Variants in KLHL7 observed in about 807,000 individuals in gnomAD.
The protein encoded by KLHL7 is kelch like family member 7.
KLHL7 carries 44 observed loss-of-function variants against 67.4 expected under a neutral mutation model. The observed-to-expected ratio is 0.65, with a 90% confidence interval of 0.51 to 0.84. The LOEUF (loss-of-function observed/expected upper bound fraction) is 0.84. Ranked by LOEUF, KLHL7 falls within the 40% of genes least tolerant of loss-of-function variation. The pLI is 0.00. For missense variants in KLHL7, 362 were observed against 718.1 expected (o/e 0.50, Z 5.67); for synonymous variants, 252 against 243.3 (o/e 1.04, Z -0.33).
At chr7:23,122,858 C>T (rs1457009990) in intron 1 of KLHL7, among the ~76,000 whole-genome samples, 1 of 152,118 alleles carries the variant, frequency 6.6e-6, no homozygotes, top group Non-Finnish European at 1.5e-5. Flanking sequence ...ATTTTTTTTA[C>T]TCTGAATATA....
rs181072660 is a variant in KLHL7 at position 23,136,664 on chromosome 7, C to T, written c.443-4105C>T. 3.1e-3 allele frequency among the ~76,000 whole-genome samples: 477 copies of T among 152,280 alleles called. 3 individuals are homozygous for T. The highest frequency in any genetic ancestry group is 0.011 in the African/African-American group (455 of 41,574). On this transcript the variant is annotated intron_variant, in intron 4 of 10. Transcript: ENST00000339077. ...CAGGCCACGTCCCCTGATTACAGTG[C>T]AGTAAAACTAAAAATTAACTATGGA... is the stretch of plus-strand genomic sequence containing the variant.
chr7:23,110,300 T>C (rs1305896209), intron 1 of KLHL7, among the ~76,000 whole-genome samples: 1 of 151,410 alleles, frequency 6.6e-6, no homozygotes, highest in African/African-American at 2.5e-5. Flanking sequence ...CCCTTTTCTC[T>C]TCTTATCCTG....
chr7:23,165,737 C>T lies in KLHL7; in HGVS notation c.976C>T (p.Arg326Ter), dbSNP rs77078070. 2.0e-5 allele frequency: 33 copies of T among 1,613,950 alleles called. No homozygotes were observed. The highest frequency in any genetic ancestry group is 6.7e-5 in the Admixed American group (4 of 59,992). Reference protein sequence around the residue: ...WTDIRCPFEKRRDAACVFWDN... With the variant: ...WTDIRCPFEK ...AGACATCCGCTGCCCCTTTGAAAAA[C>T]GAAGAGATGCAGCATGCGTGTTTTG... Residue 326 changes from arginine (R) to a stop codon, truncating the protein, a stop_gained, in exon 8 of 11, where the codon CGA becomes TGA. Coordinates refer to ENST00000339077, the MANE Select transcript of KLHL7 (RefSeq NM_001031710.3). LOFTEE classifies it high-confidence loss of function.
chr7:23,112,716 T>G (rs1782925072), intron 1 of KLHL7, among the ~76,000 whole-genome samples: 1 of 152,128 alleles, frequency 6.6e-6, no homozygotes, highest in Non-Finnish European at 1.5e-5. Context: ...CACAGAGTGG[T>G]TTGTTGACTG....
At chr7:23,121,761 C>G (rs1783354305) in intron 1 of KLHL7, among the ~76,000 whole-genome samples, 1 of 150,242 alleles carries the variant, frequency 6.7e-6, no homozygotes, top group African/African-American at 2.5e-5. Context: ...CAGCTCACTG[C>G]AAGCTCCGCC....
At chr7:23,122,300 T>A (rs1462782839) in intron 1 of KLHL7, among the ~76,000 whole-genome samples, 1 of 152,182 alleles carries the variant, frequency 6.6e-6, no homozygotes, top group Non-Finnish European at 1.5e-5. Context: ...CATGATCTGA[T>A]ATAATCTGAT....
rs192040665 is a variant in KLHL7 at position 23,168,988 on chromosome 7, T to G, written c.1379+951T>G. On this transcript the variant is annotated intron_variant, in intron 9 of 10. Transcript: ENST00000339077. ...AAATTAAGAAATAAGATGCCAGGCA[T>G]GGTGGCTCATGCCTATAATTCCAGC... is the stretch of plus-strand genomic sequence containing the variant. Among the ~76,000 whole-genome samples, 5 of 152,252 alleles carry G rather than the reference T, an allele frequency of 3.3e-5. No individual in the cohort carries two copies. The East Asian group carries it at 9.7e-4, about 29-fold the overall frequency.
chr7:23,172,734 G>T (rs1038245869), intron 9 of KLHL7: 4 of 476,956 alleles, frequency 8.4e-6, no homozygotes, highest in African/African-American at 3.9e-5. Context: ...TATCAGAATT[G>T]AAAGGAATAA....
At chr7:23,121,158 GAC>G (rs1421968941) in intron 1 of KLHL7, among the ~76,000 whole-genome samples, 1 of 152,186 alleles carries the variant, frequency 6.6e-6, no homozygotes, top group East Asian at 1.9e-4. Context: ...TGCCGTGAAA[GAC>G]AAGATTTCAT....
intron 1 of KLHL7, among the ~76,000 whole-genome samples, chr7:23,113,723 G>A (rs556911305): frequency 6.6e-6 from 1 of 152,242 alleles, no homozygotes; most frequent in African/African-American, 2.4e-5. Flanking sequence ...CTACTCAGGG[G>A]GCTGAGGCAT....
intron 7 of KLHL7, among the ~76,000 whole-genome samples, chr7:23,162,627 G>A (rs991835293): frequency 6.6e-5 from 10 of 152,172 alleles, no homozygotes; most frequent in Non-Finnish European, 1.2e-4. Context: ...CATTCTTTGT[G>A]TCCTTGTAAG....
rs1467658020 is a variant in KLHL7, at chr7:23,177,438, T to G, written c.*3140T>G. 1.3e-5 allele frequency: 2 copies of G among 152,220 alleles called. No homozygotes were observed. The highest frequency in any genetic ancestry group is 2.9e-5 in the Non-Finnish European group (2 of 68,028). The allele number at this position is 152,220 out of a possible 1,614,324, so 9.4% of individuals were successfully genotyped here. ...TACACAGGTTTGATGTGGATTATAA[T>G]GAAGTGGTTTTTTTCCTTAGTAATC... On this transcript the variant is annotated 3_prime_UTR_variant, in exon 11 of 11. Transcript: ENST00000339077.
At chr7:23,124,656 GA>G (rs1457379887) in intron 2 of KLHL7, 31 bp from the exon 3 acceptor site, 6 of 1,339,358 alleles carry the variant, frequency 4.5e-6, no homozygotes, top group Non-Finnish European at 5.4e-6. Context: ...TGGTAGTACA[GA>G]TGCCATTTAT....
chr7:23,141,888 G>A (rs1241363739), intron 5 of KLHL7, among the ~76,000 whole-genome samples: 1 of 151,868 alleles, frequency 6.6e-6, no homozygotes, highest in Admixed American at 6.6e-5. Context: ...CTCCCAAAGT[G>A]CTGGGATTAC....
At chr7:23,146,079 G>A (rs75864611) in intron 6 of KLHL7, among the ~76,000 whole-genome samples, 1,817 of 152,290 alleles carry the variant, frequency 0.012, 23 homozygotes, top group South Asian at 0.017. Context: ...TGTTCTCTGA[G>A]TCTGGAACAT....
intron 4 of KLHL7, among the ~76,000 whole-genome samples, chr7:23,128,912 C>T (rs930076431): frequency 1.3e-5 from 2 of 152,186 alleles, no homozygotes; most frequent in Non-Finnish European, 2.9e-5. Context: ...TAGCATTTAT[C>T]AGTACTTCAT....
chr7:23,168,303 T>A (rs1232907462), intron 9 of KLHL7, among the ~76,000 whole-genome samples: 1 of 152,214 alleles, frequency 6.6e-6, no homozygotes, highest in African/African-American at 2.4e-5. Context: ...ACACATCTGA[T>A]TGATTCGTCA....
At chr7:23,115,206 C>T (rs541516927) in intron 1 of KLHL7, among the ~76,000 whole-genome samples, 4 of 152,308 alleles carry the variant, frequency 2.6e-5, no homozygotes, top group East Asian at 1.9e-4. Context: ...TATGTTAGAA[C>T]GTCCCTAGGA....
intron 1 of KLHL7, among the ~76,000 whole-genome samples, chr7:23,122,341 A>T (rs1426831839): frequency 6.7e-6 from 1 of 148,328 alleles, no homozygotes; most frequent in Non-Finnish European, 1.5e-5. Flanking sequence ...TTTATTCTTC[A>T]CTCCCCACCC....
Sources: allele counts gnomAD v4.1 joint callset (sites outside exome capture counted in the v4.1 genomes callset), GRCh38; gene constraint gnomAD v4.1.1; transcripts MANE v1.5; gene names NCBI Gene and HGNC (gene_info 2026-07-23, HGNC 2026-07-21).